The following DYNLT2 variants were observed in gnomAD, a reference collection of about 807,000 sequenced individuals.
DYNLT2 encodes dynein light chain Tctex-type 2.
Under a neutral mutation model 24.3 loss-of-function variants are expected in DYNLT2, and 24 were observed. That is an observed-to-expected ratio of 0.99 (90% CI 0.71 to 1.39). The LOEUF is 1.39. DYNLT2 is among the 40% of genes most tolerant of loss of function. The pLI is 0.00. For synonymous variants in DYNLT2, 85 were observed against 85.4 expected (o/e 1.00, Z 0.03); for missense variants, 246 against 234.5 (o/e 1.05, Z -0.32).
intron 3 of DYNLT2, among the ~76,000 whole-genome samples, chr6:169,740,984 T>C (rs1255572645): frequency 6.6e-6 from 1 of 152,062 alleles, no homozygotes; most frequent in Non-Finnish European, 1.5e-5. Flanking sequence ...AATTTTTGTA[T>C]TTTTAGTAGA....
intron 2 of DYNLT2, 118 bp downstream of exon 2, chr6:169,743,950 T>G (rs866366746): frequency 4.3e-6 from 4 of 921,494 alleles, no homozygotes; most frequent in South Asian, 3.4e-5. Context: ...CAATACCTTC[T>G]GGTTCTAGTG....
At chr6:169,728,834 T>C in the DYNLT2 span, among the ~76,000 whole-genome samples, 2 of 152,226 alleles carry the variant, frequency 1.3e-5, no homozygotes, top group Non-Finnish European at 2.9e-5. Flanking sequence ...AAAATTGTTA[T>C]TCTGCATTCT....
At chr6:169,740,380 G>T (rs1789651579) in intron 3 of DYNLT2, 85 bp from the exon 4 acceptor site, 2 of 778,072 alleles carry the variant, frequency 2.6e-6, no homozygotes, top group African/African-American at 1.7e-5. Flanking sequence ...TTTTAAAAAT[G>T]AATGCATCAG....
chr6:169,725,167 G>A, the DYNLT2 span: 1 of 398,858 alleles, frequency 2.5e-6, no homozygotes, highest in Non-Finnish European at 4.4e-6. Context: ...AGCGGAAAGT[G>A]AGGAGCCAAG....
chr6:169,738,585 T>C (rs968056975), downstream of DYNLT2: 1 of 152,330 alleles, frequency 6.6e-6, no homozygotes, highest in Non-Finnish European at 1.5e-5. Flanking sequence ...CACACTGCTC[T>C]TCCTTCTCTG....
At chr6:169,738,418 G>A (rs184316017), downstream of DYNLT2, among the ~76,000 whole-genome samples, 52 of 152,324 alleles carry the variant, frequency 3.4e-4, no homozygotes, top group Admixed American at 3.0e-3. Flanking sequence ...CCCCAGTGGC[G>A]TGGGTTTGCA....
At position 169,740,153 on chromosome 6, in the gene DYNLT2, G is replaced by A. The variant is rs369854479; in HGVS notation, c.*32C>T. 102 of 1,360,778 alleles carry A rather than the reference G, an allele frequency of 7.5e-5. No individual in the cohort carries two copies. The highest frequency in any genetic ancestry group is 5.5e-4 in the South Asian group (45 of 81,642). The allele number at this position is 1,360,778 out of a possible 1,614,324, so 84.3% of individuals were successfully genotyped here. ...AATTTCATTTATTTTTGAAAAGTTCGGAAGTAAACAATCCTTAGTACCTGT... is the reference window on the plus strand; with the variant it reads ...AATTTCATTTATTTTTGAAAAGTTCAGAAGTAAACAATCCTTAGTACCTGT... On this transcript the variant is annotated 3_prime_UTR_variant, in exon 4 of 4. Transcript: ENST00000366774.
At chr6:169,730,120 C>T in the DYNLT2 span, among the ~76,000 whole-genome samples, 1 of 152,168 alleles carries the variant, frequency 6.6e-6, no homozygotes, top group African/African-American at 2.4e-5. Flanking sequence ...TTTAACTAAA[C>T]CACAGTAAAT....
Position 169,743,226 on chromosome 6 carries a change from C to CT in DYNLT2, c.339dup (p.Asp114ArgfsTer5). ...AATACTTTATCATCATATTTGACATCTTTAAGACTTTCCTTTAAGAAAATT... is the reference window on the plus strand; with the variant it reads ...AATACTTTATCATCATATTTGACATCTTTTAAGACTTTCCTTTAAGAAAATT... On this transcript the variant is annotated frameshift_variant, in exon 3 of 4. Transcript: ENST00000366774. LOFTEE classifies it high-confidence loss of function. 2.0e-6 allele frequency: 3 copies of CT among 1,475,726 alleles called. No homozygotes were observed. The allele number at this position is 1,475,726 out of a possible 1,614,324, so 91.4% of individuals were successfully genotyped here. A position where few individuals can be genotyped will look rare whatever the true frequency, so the allele number is the denominator to read the frequency against.
chr6:169,745,150 T>G (rs1789767916), intron 1 of DYNLT2, among the ~76,000 whole-genome samples: 3 of 152,082 alleles, frequency 2.0e-5, no homozygotes, highest in Admixed American at 2.0e-4. Context: ...TGGAGTGCAG[T>G]GGCGCGATCT....
chr6:169,747,472 T>C (rs907175841), intron 1 of DYNLT2, among the ~76,000 whole-genome samples: 3 of 152,288 alleles, frequency 2.0e-5, no homozygotes, highest in East Asian at 1.9e-4. Flanking sequence ...TCAAAGCTCA[T>C]TGACATCGTG....
chr6:169,729,307 G>A, the DYNLT2 span, among the ~76,000 whole-genome samples: 1 of 150,884 alleles, frequency 6.6e-6, no homozygotes, highest in African/African-American at 2.4e-5. Flanking sequence ...TGTGTAGGCC[G>A]AGGTCTCATC....
At chr6:169,729,745 AAAG>A in the DYNLT2 span, among the ~76,000 whole-genome samples, 1 of 152,182 alleles carries the variant, frequency 6.6e-6, no homozygotes, top group Non-Finnish European at 1.5e-5. Context: ...ATCCTTTCAA[AAAG>A]AAGAAGAGAT....
the DYNLT2 span, among the ~76,000 whole-genome samples, chr6:169,730,001 G>C: frequency 1.3e-5 from 2 of 152,270 alleles, no homozygotes; most frequent in Admixed American, 1.3e-4. Flanking sequence ...ATAGTGATCT[G>C]TGAACTGAAG....
At chr6:169,733,133 G>GT in the DYNLT2 span, among the ~76,000 whole-genome samples, 38 of 147,948 alleles carry the variant, frequency 2.6e-4, no homozygotes, top group Non-Finnish European at 3.0e-4. Context: ...TGATGGGGTT[G>GT]TTTTTTTTTT....
chr6:169,743,817 G>C (rs1405200712), intron 2 of DYNLT2, among the ~76,000 whole-genome samples: 1 of 152,140 alleles, frequency 6.6e-6, no homozygotes, highest in Admixed American at 6.6e-5. Flanking sequence ...ATAGCTTGAA[G>C]GAAATGGACA....
chr6:169,748,994 G>A (rs1340326840), intron 1 of DYNLT2, among the ~76,000 whole-genome samples: 3 of 152,126 alleles, frequency 2.0e-5, no homozygotes, highest in Admixed American at 6.5e-5. Context: ...AGTTTCTACT[G>A]ATATAGCATT....
chr6:169,740,550 C>A (rs1041409183), intron 3 of DYNLT2, among the ~76,000 whole-genome samples: 1 of 152,064 alleles, frequency 6.6e-6, no homozygotes, highest in Non-Finnish European at 1.5e-5. Context: ...GGGCCAGGAG[C>A]AGAAGGCCCC....
chr6:169,729,678 G>A, the DYNLT2 span, among the ~76,000 whole-genome samples: 1 of 152,192 alleles, frequency 6.6e-6, no homozygotes, highest in South Asian at 2.1e-4. Context: ...AGAACTTTGG[G>A]AGGTGATTAG....
Sources: allele counts gnomAD v4.1 joint callset (sites outside exome capture counted in the v4.1 genomes callset), GRCh38; gene constraint gnomAD v4.1.1; transcripts MANE v1.5; gene names NCBI Gene and HGNC (gene_info 2026-07-23, HGNC 2026-07-21).